SBNO2: variants seen among roughly 807,000 people sequenced by gnomAD.
The protein encoded by SBNO2 is protein strawberry notch homolog 2.
SBNO2 carries 89 observed loss-of-function variants against 146.3 expected under a neutral mutation model. The ratio of observed to expected loss-of-function variants is 0.61; its 90% CI spans 0.51 to 0.73. SBNO2 has a LOEUF of 0.73. SBNO2 is among the 30% of genes least tolerant of loss of function. The pLI, the probability that SBNO2 is intolerant of heterozygous loss-of-function variation, is 0.00. For missense variants in SBNO2, 2,092 were observed against 2,003.7 expected (o/e 1.04, Z -0.84); for synonymous variants, 1,147 against 892.6 (o/e 1.29, Z -5.08).
chr19:1,122,329 G>T, intron 10 of SBNO2, 47 bp from the exon 11 acceptor site: 1 of 1,525,210 alleles, frequency 6.6e-7, no homozygotes, highest in Admixed American at 2.0e-5. Flanking sequence ...GGCTCAGCAG[G>T]CTCTGGACCT....
At chr19:1,123,787 C>G (rs1024464424) in intron 6 of SBNO2, 148 bp from the exon 7 acceptor site, 3 of 1,074,780 alleles carry the variant, frequency 2.8e-6, no homozygotes, top group Non-Finnish European at 4.0e-6. Context: ...CAGCAAGGTG[C>G]TCCCCCAGGG....
intron 14 of SBNO2, 134 bp downstream of exon 14, chr19:1,118,877 C>T (rs1022872304): frequency 2.9e-4 from 265 of 925,272 alleles, no homozygotes; most frequent in Non-Finnish European, 3.8e-4. Context: ...CTCAAAAAAA[C>T]AACAAAAAAA....
At chr19:1,151,277 AG>A (rs1237310607) in intron 2 of SBNO2, among the ~76,000 whole-genome samples, 2 of 149,412 alleles carry the variant, frequency 1.3e-5, no homozygotes, top group Non-Finnish European at 3.0e-5. Flanking sequence ...GGCCACGGCC[AG>A]GGAACTGCAG....
In SBNO2 at chr19:1,122,640, C is replaced by A. The variant is rs2079916507; in HGVS notation, c.914+18G>T. On this transcript the variant is annotated intron_variant, in intron 9 of 31. Coordinates refer to ENST00000361757, the MANE Select transcript of SBNO2 (RefSeq NM_014963.3). ...CCCCCACCCCCGCTCCCGCCCCCTG[C>A]CCCAGGCAGGGCCTCACCACAATGC... The A allele has an allele frequency of 7.2e-6, 11 of 1,528,374 alleles. No individual in the cohort carries two copies. The highest frequency in any genetic ancestry group is 1.4e-5 in the African/African-American group (1 of 72,586). 94.7% of individuals were successfully genotyped at this position (1,528,374 alleles called of 1,614,324 possible). A position where few individuals can be genotyped will look rare whatever the true frequency, so the allele number is the denominator to read the frequency against.
chr19:1,152,220 G>C (rs994700393), intron 2 of SBNO2, among the ~76,000 whole-genome samples: 1 of 152,210 alleles, frequency 6.6e-6, no homozygotes, highest in African/African-American at 2.4e-5. Flanking sequence ...TTCCCCGACT[G>C]TCACTGCTAA....
chr19:1,169,431 G>T (rs1228788142), intron 1 of SBNO2, among the ~76,000 whole-genome samples: 3 of 152,250 alleles, frequency 2.0e-5, no homozygotes, highest in Non-Finnish European at 4.4e-5. Flanking sequence ...GGCACCCTCA[G>T]GCTGACTGGC....
Position 1,126,211 on chromosome 19 carries a change from T to G in SBNO2, c.441+1393A>C, listed in dbSNP as rs1043865763. On this transcript the variant is annotated intron_variant, in intron 5 of 31. Transcript: ENST00000361757. This position sits in a 1 kb window ranked among gnomAD's most constrained non-coding sequence, Gnocchi z 4.4. ...CACTAGGAACACTCCTGAGGGTTTT[T>G]AAAGAAAGTGGAAGCGTGGCACAGG... is the stretch of plus-strand genomic sequence containing the variant. Among the ~76,000 whole-genome samples the G allele has an allele frequency of 6.6e-6, 1 of 152,084 alleles. No individual in the cohort carries two copies. Among genetic ancestry groups the G allele is most frequent in the African/African-American group, 2.4e-5 (1 of 41,412 alleles).
intron 24 of SBNO2, 117 bp from the exon 25 acceptor site, chr19:1,111,210 TAGGGCCAGGGCC>T (rs1369333825): frequency 8.4e-7 from 1 of 1,190,400 alleles, no homozygotes; most frequent in African/African-American, 1.5e-5. Context: ...AGCTGCAGCC[TAGGGCCAGGGCC>T]AGGGCCAGGA....
At chr19:1,164,672 G>C (rs1222502907) in intron 1 of SBNO2, among the ~76,000 whole-genome samples, 122 of 51,092 alleles carry the variant, frequency 2.4e-3, no homozygotes, top group South Asian at 6.1e-3. Flanking sequence ...GGAGGAACAG[G>C]AGGAGGAGGA....
intron 4 of SBNO2, among the ~76,000 whole-genome samples, chr19:1,141,017 A>ACACCCTGGAGAAGACG (rs1411258911): frequency 7.3e-6 from 1 of 137,762 alleles, no homozygotes; most frequent in Non-Finnish European, 1.6e-5. Context: ...TGGAGAAGAC[A>ACACCCTGGAGAAGACG]CACCCTGGAG....
At position 1,140,440 on chromosome 19, in the gene SBNO2, G is replaced by A. The variant is rs77672535; in HGVS notation, c.279+6869C>T. Among the ~76,000 whole-genome samples, 6,169 of 152,252 alleles carry A rather than the reference G, an allele frequency of 0.041. 206 individuals carry two copies. The highest frequency in any genetic ancestry group is 0.16 in the East Asian group (841 of 5,176). ...CAGGGACATTGAGCCTGATGGCTTC[G>A]CGCCAACCTGGAGACGGAAGGCTGA... On this transcript the variant is annotated intron_variant, in intron 4 of 31. Coordinates refer to ENST00000361757, the MANE Select transcript of SBNO2 (RefSeq NM_014963.3). This position sits in a 1 kb window ranked among gnomAD's most constrained non-coding sequence, Gnocchi z 4.4.
In SBNO2 at chr19:1,109,871, G is replaced by T. The variant is rs552379826; in HGVS notation, c.3029-94C>A. 6.0e-5 allele frequency: 52 copies of T among 864,302 alleles called. No homozygotes were observed. The African/African-American group carries it at 7.7e-4, about 13-fold the overall frequency. The allele number at this position is 864,302 out of a possible 1,614,324, so 53.5% of individuals were successfully genotyped here. A position where few individuals can be genotyped will look rare whatever the true frequency, so the allele number is the denominator to read the frequency against. ...CGTAGCCGGGGCGCACCCTAGAGAC[G>T]ACCCCCCGAGAGCACAGGAGAGGGT... On this transcript the variant is annotated intron_variant, in intron 26 of 31. Coordinates refer to ENST00000361757, the MANE Select transcript of SBNO2 (RefSeq NM_014963.3). This position sits in a 1 kb window ranked among gnomAD's most constrained non-coding sequence, Gnocchi z 4.2.
Position 1,112,576 on chromosome 19 carries a change from G to A in SBNO2, c.2380-39C>T, listed in dbSNP as rs1448301635. ...AGGGGCCGGGACACGGTTGGTGCAA[G>A]GCCCGCCCCAGCGTTGCCGCCACCT... On this transcript the variant is annotated intron_variant, in intron 20 of 31. Transcript: ENST00000361757. This position sits in a 1 kb window ranked among gnomAD's most constrained non-coding sequence, Gnocchi z 5.9. 1.0e-5 allele frequency: 16 copies of A among 1,556,656 alleles called. No homozygotes were observed. The highest frequency in any genetic ancestry group is 1.4e-5 in the Non-Finnish European group (16 of 1,157,142).
chr19:1,168,141 C>A (rs1280252314), intron 1 of SBNO2, among the ~76,000 whole-genome samples: 1 of 152,238 alleles, frequency 6.6e-6, no homozygotes, highest in African/African-American at 2.4e-5. Flanking sequence ...AGGGTGGCAG[C>A]CCCTGGTGTT....
In SBNO2 at chr19:1,122,548, A is replaced by G; in HGVS notation, c.925T>C (p.Ser309Pro). ...GRKKALWFSVSNDLKYDAERD... is the reference protein window; with the variant it reads ...GRKKALWFSVPNDLKYDAERD... Reference sequence around the variant, plus strand: ...TCCGCATCGTACTTGAGGTCGTTGGAGACGCTGAACCTGCGGGGTGGGGGC... The same window carrying G: ...TCCGCATCGTACTTGAGGTCGTTGGGGACGCTGAACCTGCGGGGTGGGGGC... Residue 309 changes from serine to proline, a missense_variant, in exon 10 of 32, where the codon TCC becomes CCC. Transcript: ENST00000361757. The G allele has an allele frequency of 6.5e-7, 1 of 1,546,768 alleles. No individual in the cohort carries two copies. Among genetic ancestry groups the G allele is most frequent in the Admixed American group, 1.9e-5 (1 of 51,682 alleles).
chr19:1,171,667 G>A (rs544200680), intron 1 of SBNO2, among the ~76,000 whole-genome samples: 1 of 152,298 alleles, frequency 6.6e-6, no homozygotes, highest in East Asian at 1.9e-4. Flanking sequence ...CCTGCCGGAG[G>A]GGCATCCGTG....
At chr19:1,111,952 C>G in intron 23 of SBNO2, 44 bp downstream of exon 23, 1 of 1,522,208 alleles carries the variant, frequency 6.6e-7, no homozygotes, top group African/African-American at 1.4e-5. Flanking sequence ...CTCCCTAGAC[C>G]CCTGCCCCTG....
chr19:1,119,722 G>T, intron 12 of SBNO2, 101 bp from the exon 13 acceptor site: 2 of 1,120,958 alleles, frequency 1.8e-6, no homozygotes, highest in Non-Finnish European at 2.6e-6. Flanking sequence ...GCCCTGCGGG[G>T]TTGGAGCCAT....
chr19:1,111,465 C>T, intron 24 of SBNO2, 41 bp downstream of exon 24: 1 of 1,407,210 alleles, frequency 7.1e-7, no homozygotes, highest in Non-Finnish European at 9.8e-7. Flanking sequence ...TGCTCTGCAA[C>T]CCCTGCCCCT....
Sources: gnomAD v4.1 joint callset for allele counts (sites outside exome capture counted in the v4.1 genomes callset) on GRCh38, gnomAD v4.1.1 for gene constraint, Gnocchi (gnomAD v3.1) non-coding constraint, MANE v1.5 for transcripts, NCBI Gene and HGNC (gene_info 2026-07-23, HGNC 2026-07-21) for gene names.